The following NLRP5 variants were observed in gnomAD, a reference collection of about 807,000 sequenced individuals.
The protein encoded by NLRP5 is NLR family pyrin domain containing 5.
NLRP5 carries 93 observed loss-of-function variants against 113.1 expected under a neutral mutation model. The observed-to-expected ratio is 0.82, with a 90% CI of 0.70 to 0.98. The LOEUF (loss-of-function observed/expected upper bound fraction) is 0.98. NLRP5 is among the 50% of genes least tolerant of loss of function. The probability of loss-of-function intolerance (pLI) is 0.00; values close to 1 mark genes in which losing one functional copy is unlikely to be tolerated. For synonymous variants in NLRP5, 751 were observed against 600.7 expected, an observed-to-expected ratio of 1.25 and a Z score of -3.66; for missense variants, 1,808 against 1,514.3, an observed-to-expected ratio of 1.19 and a Z score of -3.22.
intron 8 of NLRP5, 133 bp from the exon 9 acceptor site, chr19:56,033,409 G>A: frequency 1.4e-6 from 1 of 704,442 alleles, no homozygotes. Context: ...AGGCACTCAG[G>A]TATTCGTTGT....
At chr19:56,000,525 C>T (rs538627769) in intron 1 of NLRP5, among the ~76,000 whole-genome samples, 8 of 151,764 alleles carry the variant, frequency 5.3e-5, no homozygotes, top group African/African-American at 9.7e-5. Context: ...CCACCACGCC[C>T]GGCTAATTTT....
chr19:56,053,490 A>T (rs573111267), intron 12 of NLRP5, 148 bp from the exon 13 acceptor site: 2 of 587,318 alleles, frequency 3.4e-6, no homozygotes, highest in East Asian at 5.6e-5. Flanking sequence ...AACAGATACC[A>T]CGTGGTCTAA....
intron 7 of NLRP5, among the ~76,000 whole-genome samples, chr19:56,032,404 C>A (rs956950696): frequency 6.6e-6 from 1 of 151,980 alleles, no homozygotes; most frequent in Non-Finnish European, 1.5e-5. Context: ...GCCTGCATAC[C>A]CCCTCGGGTA....
At chr19:56,002,009 T>C (rs1474233610) in intron 1 of NLRP5, among the ~76,000 whole-genome samples, 2 of 152,168 alleles carry the variant, frequency 1.3e-5, no homozygotes, top group African/African-American at 2.4e-5. Flanking sequence ...TTAGGAATTA[T>C]TCCTGGGGCC....
chr19:56,024,521 A>G (rs11668960), intron 6 of NLRP5, among the ~76,000 whole-genome samples: 35 of 111,562 alleles, frequency 3.1e-4, no homozygotes, highest in Admixed American at 7.2e-4. Context: ...ATGTGTATGT[A>G]TATGTATACA....
intron 2 of NLRP5, among the ~76,000 whole-genome samples, chr19:56,004,667 G>C (rs1381577986): frequency 3.9e-5 from 6 of 152,086 alleles, no homozygotes; most frequent in African/African-American, 1.4e-4. Context: ...ATTCGGATCA[G>C]ATTCTATGAT....
chr19:56,043,876 C>G (rs1295639889), intron 11 of NLRP5, among the ~76,000 whole-genome samples: 1 of 151,476 alleles, frequency 6.6e-6, no homozygotes, highest in African/African-American at 2.4e-5. Flanking sequence ...CACGCCTGGC[C>G]TCTGCTGACT....
intron 11 of NLRP5, among the ~76,000 whole-genome samples, chr19:56,043,539 ATTCTTTTTTTTTTT>A (rs1983598613): frequency 7.4e-5 from 2 of 27,032 alleles, no homozygotes; most frequent in African/African-American, 2.6e-4. Flanking sequence ...TTACTCTGCT[ATTCTTTTTTTTTTT>A]TTTTTTTTTT....
At position 56,028,082 on chromosome 19, in the gene NLRP5, A is replaced by G. The variant is rs1599893304; in HGVS notation, c.1849A>G (p.Arg617Gly). The change falls in exon 7 of 15, where the codon AGG (arginine) becomes GGG (glycine). Residue 617 changes from arginine to glycine, a missense_variant. By Grantham distance (125) the Arg-to-Gly change is moderately radical. Coordinates refer to ENST00000390649, the MANE Select transcript of NLRP5 (RefSeq NM_153447.4). ...CCCTCTGTACGTTGAGAAGACAAAGAGGTCCATGGAGCTTAAACAGGCAGG... is the reference window on the plus strand; with the variant it reads ...CCCTCTGTACGTTGAGAAGACAAAGGGGTCCATGGAGCTTAAACAGGCAGG... 6.2e-7 allele frequency: 1 copy of G among 1,614,052 alleles called. No individual in the cohort carries two copies. The highest frequency in any genetic ancestry group is 1.3e-5 in the African/African-American group (1 of 75,058).
chr19:55,990,079 C>CTTTTCT, the NLRP5 span, among the ~76,000 whole-genome samples: 2 of 95,958 alleles, frequency 2.1e-5, no homozygotes, highest in African/African-American at 8.0e-5. Flanking sequence ...TTTCTTTTTT[C>CTTTTCT]TTTTTTTTTT....
At chr19:56,053,437 C>A (rs933628604) in intron 12 of NLRP5, among the ~76,000 whole-genome samples, 1 of 152,124 alleles carries the variant, frequency 6.6e-6, no homozygotes, top group Non-Finnish European at 1.5e-5. Context: ...TTCAATCACA[C>A]CAGACACTTT....
At chr19:55,992,942 C>T in the NLRP5 span, among the ~76,000 whole-genome samples, 3 of 151,956 alleles carry the variant, frequency 2.0e-5, no homozygotes, top group Non-Finnish European at 4.4e-5. Flanking sequence ...CTCTGCCTCC[C>T]AGGTTCAAGC....
chr19:56,049,868 A>C (rs1361542318), intron 11 of NLRP5, among the ~76,000 whole-genome samples: 1 of 152,136 alleles, frequency 6.6e-6, no homozygotes, highest in Non-Finnish European at 1.5e-5. Context: ...TCTTGGTTTG[A>C]ATCCATTGCT....
At chr19:56,024,886 C>A (rs999194634) in intron 6 of NLRP5, among the ~76,000 whole-genome samples, 1 of 152,118 alleles carries the variant, frequency 6.6e-6, no homozygotes, top group African/African-American at 2.4e-5. Flanking sequence ...AGGAACCAGG[C>A]AGTATAGCAG....
intron 7 of NLRP5, among the ~76,000 whole-genome samples, chr19:56,032,156 C>A (rs1983140928): frequency 6.6e-6 from 1 of 152,078 alleles, no homozygotes; most frequent in Non-Finnish European, 1.5e-5. Flanking sequence ...ACCATCCTGG[C>A]CAACATGGTG....
intron 2 of NLRP5, among the ~76,000 whole-genome samples, chr19:56,006,953 A>C (rs1007061303): frequency 3.9e-4 from 59 of 151,128 alleles, no homozygotes; most frequent in South Asian, 4.2e-4. Context: ...GTTAGCCAGG[A>C]TGGTCTCGAT....
chr19:55,992,008 T>C, the NLRP5 span, among the ~76,000 whole-genome samples: 1 of 152,096 alleles, frequency 6.6e-6, no homozygotes, highest in East Asian at 1.9e-4. Context: ...TCTTTCTGCT[T>C]CTCACCCTCC....
At chr19:56,059,430 C>T (rs559363015) in intron 14 of NLRP5, among the ~76,000 whole-genome samples, 1 of 152,298 alleles carries the variant, frequency 6.6e-6, no homozygotes, top group South Asian at 2.1e-4. Flanking sequence ...CTTCCCTGAG[C>T]ATGAAGGAAC....
chr19:56,001,324 T>A (rs1206123211), intron 1 of NLRP5, among the ~76,000 whole-genome samples: 2 of 120,652 alleles, frequency 1.7e-5, no homozygotes, highest in African/African-American at 3.3e-5. Context: ...CTCAGTCATT[T>A]AAAAAAAAAA....
Sources: allele counts gnomAD v4.1 joint callset (sites outside exome capture counted in the v4.1 genomes callset), GRCh38; gene constraint gnomAD v4.1.1; transcripts MANE v1.5; gene names NCBI Gene and HGNC (gene_info 2026-07-23, HGNC 2026-07-21).